SDK1: variants seen among roughly 807,000 people sequenced by gnomAD.
SDK1 encodes protein sidekick-1.
SDK1 carries 157 observed loss-of-function variants against 245.5 expected under a neutral mutation model. That is an observed-to-expected ratio of 0.64 (90% CI 0.56 to 0.73). The LOEUF is 0.73. SDK1 is among the 30% of genes least tolerant of loss of function. The pLI is 0.00. For missense variants in SDK1, 3,583 were observed against 3,002.3 expected (o/e 1.19, Z -4.52); for synonymous variants, 1,647 against 1,278.5 (o/e 1.29, Z -6.15).
chr7:3,947,850 T>C (rs917600993), intron 5 of SDK1, among the ~76,000 whole-genome samples: 1 of 152,032 alleles, frequency 6.6e-6, no homozygotes, highest in East Asian at 1.9e-4. Context: ...GACATAGCAA[T>C]AGATGCCTAT....
At chr7:4,240,681 G>A (rs922581624) in intron 42 of SDK1, among the ~76,000 whole-genome samples, 1 of 152,182 alleles carries the variant, frequency 6.6e-6, no homozygotes, top group African/African-American at 2.4e-5. Context: ...GGGGCTGGCG[G>A]GACACTGGGG....
At chr7:3,732,492 T>G (rs1183108063) in intron 4 of SDK1, among the ~76,000 whole-genome samples, 1 of 152,256 alleles carries the variant, frequency 6.6e-6, no homozygotes, top group Non-Finnish European at 1.5e-5. Context: ...ATCATCTCTT[T>G]AATAGTTCGG....
At chr7:4,128,855 A>G (rs181971407) in intron 26 of SDK1, among the ~76,000 whole-genome samples, 3,108 of 81,318 alleles carry the variant, frequency 0.038, 186 homozygotes, top group African/African-American at 0.072. Context: ...GTCCCCTGGA[A>G]TAGAGCAGCT....
chr7:3,998,383 T>G (rs970321544), intron 14 of SDK1, among the ~76,000 whole-genome samples: 6 of 152,390 alleles, frequency 3.9e-5, no homozygotes, highest in Admixed American at 3.9e-4. Flanking sequence ...CAGTTTTGTT[T>G]ATCATGTAAT....
chr7:3,850,596 T>G (rs1780394584), intron 5 of SDK1, among the ~76,000 whole-genome samples: 1 of 152,096 alleles, frequency 6.6e-6, no homozygotes, highest in Non-Finnish European at 1.5e-5. Flanking sequence ...AGCAAAGACT[T>G]GGAACCAACC....
At chr7:3,915,097 A>G (rs57201992) in intron 5 of SDK1, among the ~76,000 whole-genome samples, 10,848 of 152,250 alleles carry the variant, frequency 0.071, 1,226 homozygotes, top group African/African-American at 0.24. Context: ...GCTTTCAATT[A>G]GCCCCTAAGG....
chr7:3,410,025 G>T (rs1779157985), intron 1 of SDK1, among the ~76,000 whole-genome samples: 1 of 152,026 alleles, frequency 6.6e-6, no homozygotes, highest in Non-Finnish European at 1.5e-5. Flanking sequence ...CTGTAAAAGG[G>T]ATTTAATAGT....
At chr7:3,317,667 G>A (rs147287759) in intron 1 of SDK1, among the ~76,000 whole-genome samples, 68 of 152,302 alleles carry the variant, frequency 4.5e-4, no homozygotes, top group African/African-American at 1.6e-3. Flanking sequence ...GTTCACAGGA[G>A]CTGGTTTTTC....
chr7:3,487,772 A>AAAAAG (rs1562517255), intron 1 of SDK1, among the ~76,000 whole-genome samples: 2 of 150,784 alleles, frequency 1.3e-5, no homozygotes, highest in African/African-American at 2.5e-5. Context: ...AAAAAAAAAA[A>AAAAAG]AAAAGAAAAG....
intron 14 of SDK1, among the ~76,000 whole-genome samples, chr7:4,007,127 C>T (rs370076666): frequency 1.3e-5 from 2 of 152,296 alleles, no homozygotes; most frequent in Admixed American, 6.5e-5. Context: ...TTTACTGAGT[C>T]CAGTATCAGT....
rs71032930 is a variant in SDK1 at position 4,232,411 on chromosome 7, C to CTTT, written c.5828-830_5828-828dup. Among the ~76,000 whole-genome samples the CTTT allele has an allele frequency of 9.8e-3, 964 of 98,748 alleles. 12 individuals are homozygous for CTTT. The highest frequency in any genetic ancestry group is 0.034 in the African/African-American group (886 of 25,984). 64.8% of individuals were successfully genotyped at this position (98,748 alleles called of 152,430 possible). A position where few individuals can be genotyped will look rare whatever the true frequency, so the allele number is the denominator to read the frequency against. On this transcript the variant is annotated intron_variant, in intron 40 of 44. Transcript: ENST00000404826. ...TTTTTTCTTTTCTTTTCTTTTCTTT[C>CTTT]TTTTTTTTTTTTTTTTGTTATAATG...
intron 1 of SDK1, among the ~76,000 whole-genome samples, chr7:3,610,631 C>A (rs1478585112): frequency 6.6e-6 from 1 of 152,170 alleles, no homozygotes; most frequent in Non-Finnish European, 1.5e-5. Context: ...TATGTTTCTA[C>A]CATCAGCTTC....
intron 1 of SDK1, among the ~76,000 whole-genome samples, chr7:3,358,940 T>C (rs2128560156): frequency 6.6e-6 from 1 of 152,316 alleles, no homozygotes; most frequent in East Asian, 1.9e-4. Flanking sequence ...AGAACATTGG[T>C]GCAGTTTTTT....
At position 3,389,754 on chromosome 7, in the gene SDK1, T is replaced by TAAA. The variant is rs61312272; in HGVS notation, c.298+87871_298+87873dup. Among the ~76,000 whole-genome samples the TAAA allele has an allele frequency of 1.3e-4, 19 of 151,496 alleles. No individual in the cohort carries two copies. The East Asian group carries it at 3.7e-3, about 30-fold the overall frequency. On this transcript the variant is annotated intron_variant, in intron 1 of 44. Transcript: ENST00000404826. ...CACTCCACAGCCTGGGCAACAGAAATAAACAAAAACAAAAAACTAACGTGG... is the reference window on the plus strand; with the variant it reads ...CACTCCACAGCCTGGGCAACAGAAATAAAAAACAAAAACAAAAAACTAACGTGG...
chr7:3,401,329 G>A (rs547937801), intron 1 of SDK1, among the ~76,000 whole-genome samples: 6 of 152,122 alleles, frequency 3.9e-5, no homozygotes, highest in Non-Finnish European at 5.9e-5. Flanking sequence ...TGATAACTTG[G>A]AAGTTTAAAC....
At chr7:3,315,960 G>A (rs1388200489) in intron 1 of SDK1, among the ~76,000 whole-genome samples, 1 of 152,056 alleles carries the variant, frequency 6.6e-6, no homozygotes, top group Non-Finnish European at 1.5e-5. Context: ...TTTGAAAGAT[G>A]GATTGATAAA....
intron 5 of SDK1, among the ~76,000 whole-genome samples, chr7:3,913,251 C>T (rs1779243832): frequency 6.6e-6 from 1 of 151,842 alleles, no homozygotes; most frequent in Non-Finnish European, 1.5e-5. Context: ...TGCCTCCTGG[C>T]CCTTCCCTCT....
chr7:3,445,802 A>T (rs1583868605), intron 1 of SDK1, among the ~76,000 whole-genome samples: 1 of 150,894 alleles, frequency 6.6e-6, no homozygotes, highest in South Asian at 2.1e-4. Flanking sequence ...TAGAAAACTC[A>T]AGAGAAGACA....
At chr7:3,374,716 ACCCACACC>A (rs1554263136) in intron 1 of SDK1, among the ~76,000 whole-genome samples, 1 of 151,766 alleles carries the variant, frequency 6.6e-6, no homozygotes, top group South Asian at 2.1e-4. Flanking sequence ...CACTACACAC[ACCCACACC>A]CCCACACCCC....
Sources: gnomAD v4.1 joint callset for allele counts (sites outside exome capture counted in the v4.1 genomes callset) on GRCh38, gnomAD v4.1.1 for gene constraint, MANE v1.5 for transcripts, NCBI Gene and HGNC (gene_info 2026-07-23, HGNC 2026-07-21) for gene names.